The following NOD1 variants were observed in gnomAD, a reference collection of about 807,000 sequenced individuals.
The protein encoded by NOD1 is nucleotide-binding oligomerization domain-containing protein 1.
In NOD1, 70 loss-of-function variants were observed where a neutral mutation model predicts 81.2. That is an observed-to-expected ratio of 0.86 (90% CI 0.71 to 1.05). The LOEUF (loss-of-function observed/expected upper bound fraction) is 1.05. Ranked by LOEUF, NOD1 falls within the 50% of genes least tolerant of loss-of-function variation. The pLI is 0.00. For missense variants in NOD1, 1,233 were observed against 1,228.0 expected (o/e 1.00, Z -0.06); for synonymous variants, 508 against 526.9 (o/e 0.96, Z 0.49).
intron 1 of NOD1, chr7:30,469,358 T>C (rs1390282716): frequency 1.1e-5 from 6 of 541,740 alleles, no homozygotes; most frequent in African/African-American, 2.1e-5. Context: ...TGGAAGTCAG[T>C]CCCTCCCGGA....
In NOD1 at chr7:30,455,228, A is replaced by G. The variant is rs199475898; in HGVS notation, c.285T>C (p.Asp95=). Residue 95 remains aspartate (D), a synonymous_variant, in exon 5 of 14, where the codon GAT becomes GAC. Coordinates refer to ENST00000222823, the MANE Select transcript of NOD1 (RefSeq NM_006092.4). ...GCCAAGGCCTGAGGTCCACGTAGGC[A>G]TCTGCGAGTTGCTGGAGCAAGTAGA... ...FFLYLLQQLA[D]AYVDLRPWLL... 18 of 1,614,166 alleles carry G rather than the reference A, an allele frequency of 1.1e-5. No homozygotes were observed. In the African/African-American group the frequency reaches 2.0e-4, roughly 18 times the overall value.
chr7:30,436,104 T>G (rs747981672), intron 10 of NOD1, 23 bp from the exon 11 acceptor site: 1 of 1,580,332 alleles, frequency 6.3e-7, no homozygotes, highest in Admixed American at 1.7e-5. Flanking sequence ...ACACTTGGGG[T>G]GAATTATTAA....
At chr7:30,448,968 G>A (rs2128042522) in intron 6 of NOD1, among the ~76,000 whole-genome samples, 1 of 152,340 alleles carries the variant, frequency 6.6e-6, no homozygotes, top group Middle Eastern at 3.4e-3. Context: ...AAAGGAGACT[G>A]CTCATGTCAT....
At chr7:30,445,071 T>C (rs1784894991) in intron 9 of NOD1, among the ~76,000 whole-genome samples, 1 of 49,238 alleles carries the variant, frequency 2.0e-5, no homozygotes, top group Non-Finnish European at 3.7e-5. Flanking sequence ...TGAGATCACA[T>C]GGACACAGGA....
At position 30,452,561 on chromosome 7, in the gene NOD1, G is replaced by A. The variant is rs940995732; in HGVS notation, c.856C>T (p.Leu286=). ...PHVALFTFDG[L]DELHSDLDLS... ...TCCAAGTCCGAGTGCAGCTCGTCCA[G>A]GCCATCGAAGGTGAAGAGGGCCACG... The change falls in exon 6 of 14, where the codon CTG becomes TTG. Residue 286 remains leucine, a synonymous_variant. Transcript: ENST00000222823. 4 of 1,613,190 alleles carry A rather than the reference G, an allele frequency of 2.5e-6. No individual in the cohort carries two copies. In the African/African-American group the frequency reaches 5.3e-5, roughly 22 times the overall value.
chr7:30,455,601 T>TTG (rs1786273512), intron 4 of NOD1, among the ~76,000 whole-genome samples: 1 of 151,286 alleles, frequency 6.6e-6, no homozygotes, highest in African/African-American at 2.4e-5. Flanking sequence ...TTTTTTTTTT[T>TTG]TTTCTTTTTT....
chr7:30,447,230 CT>C (rs1785203545), intron 7 of NOD1, 180 bp from the exon 8 acceptor site: 1 of 894,676 alleles, frequency 1.1e-6, no homozygotes, highest in South Asian at 1.5e-5. Flanking sequence ...AGCTCCACTA[CT>C]TTCCCCAGCT....
intron 1 of NOD1, chr7:30,463,653 C>T (rs1170361420): frequency 1.3e-5 from 2 of 152,366 alleles, no homozygotes; most frequent in Non-Finnish European, 2.9e-5. Context: ...CTTGCACTGT[C>T]CCAGGGGACC....
intron 13 of NOD1, among the ~76,000 whole-genome samples, chr7:30,427,261 A>G (rs1043903851): frequency 6.6e-6 from 1 of 152,210 alleles, no homozygotes; most frequent in Non-Finnish European, 1.5e-5. Flanking sequence ...TACAGTGTTC[A>G]TTGTTCACCT....
At chr7:30,462,792 T>C (rs1244911005) in intron 1 of NOD1, among the ~76,000 whole-genome samples, 1 of 151,318 alleles carries the variant, frequency 6.6e-6, no homozygotes, top group Non-Finnish European at 1.5e-5. Context: ...CCACGAAAAA[T>C]ACAAAAATTA....
chr7:30,431,816 A>G (rs1783978165), intron 12 of NOD1, among the ~76,000 whole-genome samples: 1 of 152,202 alleles, frequency 6.6e-6, no homozygotes, highest in Admixed American at 6.5e-5. Context: ...AAAATTAAAA[A>G]CTATTGGCCA....
At chr7:30,437,782 G>C (rs915580758) in intron 9 of NOD1, 126 bp from the exon 10 acceptor site, 30 of 634,194 alleles carry the variant, frequency 4.7e-5, no homozygotes, top group Non-Finnish European at 3.2e-5. Context: ...CCAGTCCCTG[G>C]ATCTGTGGCC....
At position 30,446,242 on chromosome 7, in the gene NOD1, C is replaced by A. The variant is rs746225209; in HGVS notation, c.2370-18G>T. 6.3e-7 allele frequency: 1 copy of A among 1,597,324 alleles called. No individual in the cohort carries two copies. Among genetic ancestry groups the A allele is most frequent in the South Asian group, 1.1e-5 (1 of 90,770 alleles). ...TTCCCAGTCTGCAGAGAGAGTCACA[C>A]ACAGTCAGCCTCCAGCTATGCAGGG... On this transcript the variant is annotated intron_variant, in intron 8 of 13. Coordinates refer to ENST00000222823, the MANE Select transcript of NOD1 (RefSeq NM_006092.4).
In NOD1 at chr7:30,457,799, C is replaced by A. The variant is rs140585377; in HGVS notation, c.-121-757G>T. Among the ~76,000 whole-genome samples the A allele has an allele frequency of 7.4e-3, 1,133 of 152,132 alleles. 19 individuals carry two copies. Among genetic ancestry groups the A allele is most frequent in the African/African-American group, 0.026 (1,081 of 41,532 alleles). On this transcript the variant is annotated intron_variant, in intron 3 of 13. Transcript: ENST00000222823. ...GAAGAGAGACAGCAGCATGAAGTCT[C>A]CTGTGGTAGCCAGAGGCAAGGAACC... is the stretch of plus-strand genomic sequence containing the variant.
Position 30,435,991 on chromosome 7 carries a change from C to G in NOD1, c.2621+7G>C, listed in dbSNP as rs1784346180. The G allele has an allele frequency of 6.2e-7, 1 of 1,608,798 alleles. No homozygotes were observed. Among genetic ancestry groups the G allele is most frequent in the Non-Finnish European group, 8.5e-7 (1 of 1,175,148 alleles). On this transcript the variant is annotated splice_region_variant and intron_variant, in intron 11 of 13. Transcript: ENST00000222823. Reference sequence around the variant, plus strand: ...AAACAAACAAATGAAATGACTCGAGCTATTACCACAGTATTTCTAGAGACG... The same window carrying G: ...AAACAAACAAATGAAATGACTCGAGGTATTACCACAGTATTTCTAGAGACG...
rs1785937651 is a variant in NOD1, at chr7:30,452,861, G to A, written c.556C>T (p.His186Tyr). 1 of 1,614,104 alleles carries A rather than the reference G, an allele frequency of 6.2e-7. No individual in the cohort carries two copies. The highest frequency in any genetic ancestry group is 8.5e-7 in the Non-Finnish European group (1 of 1,180,034). The part of the protein sequence containing the change: ...SLNSLACLLD[H>Y]TTGILNEQGE... ...TGCTCATTGAGGATGCCGGTGGTGT[G>A]GTCCAGGAGGCAGGCCAGGCTGTTC... is the stretch of plus-strand genomic sequence containing the variant. The change falls in exon 6 of 14, where the codon CAC becomes TAC. Residue 186 changes from histidine to tyrosine, a missense_variant. His to Tyr is a moderately conservative substitution (Grantham distance 83). Transcript: ENST00000222823.
chr7:30,470,879 T>C (rs1447195755), intron 1 of NOD1, among the ~76,000 whole-genome samples: 4 of 152,156 alleles, frequency 2.6e-5, no homozygotes, highest in African/African-American at 4.8e-5. Context: ...GCGAGAGGGC[T>C]GAAGTGTTTA....
rs150744113 is a variant in NOD1, at chr7:30,467,476, A to T, written c.-351-7435T>A. ...CTCAGCGACTGCCTTGTTTTGAGGA[A>T]CTATGACTTTCAACTCAAAGGGCCC... On this transcript the variant is annotated intron_variant, in intron 1 of 13. Transcript: ENST00000222823. This position sits in a 1 kb window ranked among gnomAD's most constrained non-coding sequence, Gnocchi z 4.5. Among the ~76,000 whole-genome samples, 173 of 152,292 alleles carry T rather than the reference A, an allele frequency of 1.1e-3. 1 individual carries two copies. The highest frequency in any genetic ancestry group is 4.0e-3 in the African/African-American group (166 of 41,564).
intron 3 of NOD1, 30 bp from the exon 4 acceptor site, chr7:30,457,072 GC>G: frequency 1.5e-6 from 1 of 649,342 alleles, no homozygotes; most frequent in Non-Finnish European, 2.7e-6. Flanking sequence ...CATCAGCAAA[GC>G]AAAAGCTACA....
Sources: gnomAD v4.1 joint callset for allele counts (sites outside exome capture counted in the v4.1 genomes callset) on GRCh38, gnomAD v4.1.1 for gene constraint, Gnocchi (gnomAD v3.1) non-coding constraint, MANE v1.5 for transcripts, NCBI Gene and HGNC (gene_info 2026-07-23, HGNC 2026-07-21) for gene names.